Variants in ZDHHC2 observed in about 807,000 individuals in gnomAD.
ZDHHC2 encodes zDHHC palmitoyltransferase 2, also known as palmitoyltransferase ZDHHC2.
A neutral mutation model predicts 55.6 loss-of-function variants in ZDHHC2; 51 were observed. That is an observed-to-expected ratio of 0.92 (90% CI 0.73 to 1.16). ZDHHC2 has a LOEUF of 1.16. Ranked by LOEUF, ZDHHC2 falls within the 50% of genes most tolerant of loss-of-function variation. The pLI is 0.00. For synonymous variants in ZDHHC2, 199 were observed against 152.9 expected (o/e 1.30, Z -2.22); for missense variants, 491 against 442.4 (o/e 1.11, Z -0.99).
chr8:17,199,520 CGT>C (rs1806548934), intron 6 of ZDHHC2, among the ~76,000 whole-genome samples: 2 of 39,852 alleles, frequency 5.0e-5, no homozygotes, highest in African/African-American at 1.2e-4. Context: ...TCTTCGTCTT[CGT>C]CTTCGTCTTC....
chr8:17,219,402 T>C (rs1563173790), intron 12 of ZDHHC2, among the ~76,000 whole-genome samples: 1 of 151,940 alleles, frequency 6.6e-6, no homozygotes, highest in Admixed American at 6.6e-5. Context: ...CCTAAACCCA[T>C]AGTTAGTACT....
intron 1 of ZDHHC2, among the ~76,000 whole-genome samples, chr8:17,164,552 A>T (rs1804510784): frequency 6.6e-6 from 1 of 152,172 alleles, no homozygotes; most frequent in Non-Finnish European, 1.5e-5. Context: ...CCAGAGGAAC[A>T]GAGTGGTGCA....
chr8:17,176,825 AAAG>A (rs1274853222), intron 1 of ZDHHC2, among the ~76,000 whole-genome samples: 16 of 152,182 alleles, frequency 1.1e-4, no homozygotes, highest in Non-Finnish European at 2.2e-4. Flanking sequence ...AAAGAAAAAA[AAAG>A]AAACAGTTTG....
intron 10 of ZDHHC2, among the ~76,000 whole-genome samples, chr8:17,213,835 T>G (rs1023157371): frequency 1.3e-5 from 2 of 152,160 alleles, no homozygotes; most frequent in African/African-American, 2.4e-5. Context: ...TGAAGAAGAA[T>G]AAGAATTAAA....
intron 10 of ZDHHC2, among the ~76,000 whole-genome samples, chr8:17,211,949 CT>C (rs1435646369): frequency 6.6e-6 from 1 of 152,014 alleles, no homozygotes; most frequent in South Asian, 2.1e-4. Flanking sequence ...GTTTATAATA[CT>C]TTTTTGCCCT....
chr8:17,199,274 G>A (rs1355518438), intron 6 of ZDHHC2, among the ~76,000 whole-genome samples: 1 of 152,076 alleles, frequency 6.6e-6, no homozygotes, highest in African/African-American at 2.4e-5. Flanking sequence ...TCTCCACCTC[G>A]ATTTTCTCCT....
chr8:17,168,489 A>G (rs1335036186), intron 1 of ZDHHC2, among the ~76,000 whole-genome samples: 1 of 152,136 alleles, frequency 6.6e-6, no homozygotes, highest in African/African-American at 2.4e-5. Flanking sequence ...ATTGTGGTAA[A>G]ATATTGATAA....
chr8:17,156,617 C>A lies in ZDHHC2; in HGVS notation c.-107C>A, dbSNP rs1804056321. The A allele has an allele frequency of 2.2e-6, 2 of 927,420 alleles. No homozygotes were observed. Among genetic ancestry groups the A allele is most frequent in the Non-Finnish European group, 2.6e-6 (2 of 763,608 alleles). The allele number at this position is 927,420 out of a possible 1,614,324, so 57.4% of individuals were successfully genotyped here. On this transcript the variant is annotated 5_prime_UTR_variant, in exon 1 of 13. Coordinates refer to ENST00000262096, the MANE Select transcript of ZDHHC2 (RefSeq NM_016353.5). ...GCGGCAGTGGCCGCAGCGCACCCCG[C>A]CGCCGCCCAGGAGCCCGTCCAGCCA... is the stretch of plus-strand genomic sequence containing the variant.
chr8:17,212,413 G>A (rs1807430447), intron 10 of ZDHHC2, among the ~76,000 whole-genome samples: 1 of 152,158 alleles, frequency 6.6e-6, no homozygotes, highest in African/African-American at 2.4e-5. Context: ...ATCAGTATTA[G>A]TGACCTCCAT....
At chr8:17,158,987 G>C (rs1207784700) in intron 1 of ZDHHC2, among the ~76,000 whole-genome samples, 1 of 152,222 alleles carries the variant, frequency 6.6e-6, no homozygotes, top group East Asian at 1.9e-4. Flanking sequence ...GAAAGATCTA[G>C]ATTCTAGAGT....
chr8:17,162,729 G>A (rs530874269), intron 1 of ZDHHC2: 1 of 152,320 alleles, frequency 6.6e-6, no homozygotes, highest in South Asian at 2.1e-4. Context: ...TTGAGCATGA[G>A]GAAAGGAGTT....
At chr8:17,178,205 C>T (rs1193834319) in intron 1 of ZDHHC2, among the ~76,000 whole-genome samples, 1 of 152,042 alleles carries the variant, frequency 6.6e-6, no homozygotes, top group African/African-American at 2.4e-5. Flanking sequence ...TCATTAGATA[C>T]CATTTAGGAC....
intron 8 of ZDHHC2, among the ~76,000 whole-genome samples, chr8:17,209,517 A>C (rs1268255948): frequency 1.3e-5 from 2 of 152,186 alleles, no homozygotes; most frequent in Non-Finnish European, 2.9e-5. Context: ...ACTTAAAAAC[A>C]AAGGTTGTAG....
intron 11 of ZDHHC2, among the ~76,000 whole-genome samples, chr8:17,216,884 G>C (rs1807676006): frequency 6.6e-6 from 1 of 152,138 alleles, no homozygotes; most frequent in Non-Finnish European, 1.5e-5. Context: ...GTAAGCTGAT[G>C]TGAGCAGTGT....
intron 1 of ZDHHC2, among the ~76,000 whole-genome samples, chr8:17,169,677 G>A (rs137959594): frequency 3.2e-4 from 48 of 152,232 alleles, no homozygotes; most frequent in African/African-American, 1.1e-3. Context: ...GAAGAGCAAG[G>A]TTTCTGTTTT....
chr8:17,190,028 G>C (rs1411632222), intron 3 of ZDHHC2, among the ~76,000 whole-genome samples: 1 of 152,118 alleles, frequency 6.6e-6, no homozygotes, highest in South Asian at 2.1e-4. Flanking sequence ...AGCACAATGG[G>C]TGGGAGTGCC....
At chr8:17,172,043 T>A (rs979645558) in intron 1 of ZDHHC2, among the ~76,000 whole-genome samples, 2 of 151,964 alleles carry the variant, frequency 1.3e-5, no homozygotes, top group Non-Finnish European at 2.9e-5. Context: ...ATATCCGCAG[T>A]TCCCAGGAAT....
chr8:17,195,608 C>A lies in ZDHHC2; in HGVS notation c.357C>A (p.Thr119=), dbSNP rs550323002. ...RRAAKDLPIY[T]RTMSGAIRYC... is the part of the protein sequence containing the mutation. ...CAGCCAAGGATCTTCCCATCTATAC[C>A]AGGACCATGTCTGGAGGTAAATGTT... The change falls in exon 4 of 13, where the codon ACC becomes ACA. Residue 119 remains threonine, a synonymous_variant. Coordinates refer to ENST00000262096, the MANE Select transcript of ZDHHC2 (RefSeq NM_016353.5). The A allele has an allele frequency of 8.7e-6, 14 of 1,613,840 alleles. No individual in the cohort carries two copies. The highest frequency in any genetic ancestry group is 3.3e-4 in the Middle Eastern group (2 of 6,058).
intron 1 of ZDHHC2, among the ~76,000 whole-genome samples, chr8:17,177,521 C>CT (rs1195690235): frequency 6.6e-6 from 1 of 152,128 alleles, no homozygotes; most frequent in African/African-American, 2.4e-5. Context: ...TAACTACATC[C>CT]TTGTTTTTTC....
Sources: gnomAD v4.1 joint callset for allele counts (sites outside exome capture counted in the v4.1 genomes callset) on GRCh38, gnomAD v4.1.1 for gene constraint, MANE v1.5 for transcripts, NCBI Gene and HGNC (gene_info 2026-07-23, HGNC 2026-07-21) for gene names.